The following XPA variants were observed in gnomAD, a reference collection of about 807,000 sequenced individuals.
XPA encodes XPA, DNA damage recognition and repair factor, also known as DNA repair protein complementing XP-A cells.
In XPA, 27 loss-of-function variants were observed where a neutral mutation model predicts 35.7. The ratio of observed to expected loss-of-function variants is 0.76; its 90% CI spans 0.56 to 1.04. The LOEUF (loss-of-function observed/expected upper bound fraction) is 1.04, where lower values mean the gene tolerates loss of function less well. Ranked by LOEUF, XPA falls within the 50% of genes least tolerant of loss-of-function variation. XPA has a pLI of 0.00. For synonymous variants in XPA, 133 were observed against 118.4 expected, an observed-to-expected ratio of 1.12 and a Z score of -0.80; for missense variants, 354 against 342.7, an observed-to-expected ratio of 1.03 and a Z score of -0.26.
the XPA span, chr9:97,662,055 T>G: frequency 1.2e-6 from 2 of 1,612,980 alleles, no homozygotes; most frequent in African/African-American, 2.7e-5. Flanking sequence ...AAGGATTCAG[T>G]TTTAACCCAT....
the XPA span, chr9:97,669,662 T>C: frequency 1.5e-5 from 24 of 1,612,266 alleles, no homozygotes; most frequent in Non-Finnish European, 2.0e-5. Context: ...ATTAACACCA[T>C]GGTATAAGAA....
intron 3 of XPA, among the ~76,000 whole-genome samples, 183 bp from the exon 4 acceptor site, chr9:97,687,444 T>C (rs950212044): frequency 6.6e-6 from 1 of 152,224 alleles, no homozygotes. Flanking sequence ...CTTTTACTTA[T>C]TCTGGTAAGT....
intron 2 of XPA, among the ~76,000 whole-genome samples, chr9:97,693,081 A>G (rs1587751791): frequency 6.7e-6 from 1 of 149,566 alleles, no homozygotes; most frequent in Admixed American, 6.7e-5. Context: ...AAAAGCTGTT[A>G]TATTGCACTG....
intron 5 of XPA, chr9:97,682,373 A>G (rs1435221687): frequency 1.9e-6 from 1 of 518,596 alleles, no homozygotes; most frequent in African/African-American, 1.9e-5. Context: ...TCTAATCTCT[A>G]CAGTGTCTAC....
At chr9:97,663,609 C>T in the XPA span, among the ~76,000 whole-genome samples, 3 of 151,896 alleles carry the variant, frequency 2.0e-5, no homozygotes, top group South Asian at 2.1e-4. Flanking sequence ...CTCAGCCTCC[C>T]GAGTAGCTGG....
intron 4 of XPA, among the ~76,000 whole-genome samples, chr9:97,686,566 T>C (rs1564044708): frequency 1.3e-5 from 2 of 152,190 alleles, no homozygotes; most frequent in Non-Finnish European, 2.9e-5. Context: ...TCCAACCTTT[T>C]TTAGTTTCCA....
Position 97,682,095 on chromosome 9 carries a change from C to A in XPA, c.673+2828G>T, listed in dbSNP as rs1361063313. The stretch of plus-strand genomic sequence containing the variant: ...CTATCTATCTATCTATCTATACACA[C>A]CTTATACTATTTAAACTGTAAAATT... On this transcript the variant is annotated intron_variant, in intron 5 of 5. Coordinates refer to ENST00000375128, the MANE Select transcript of XPA (RefSeq NM_000380.4). 6 of 366,364 alleles carry A rather than the reference C, an allele frequency of 1.6e-5. No individual in the cohort carries two copies. The East Asian group carries it at 4.3e-4, about 26-fold the overall frequency. 22.7% of individuals were successfully genotyped at this position (366,364 alleles called of 1,614,324 possible). A position where few individuals can be genotyped will look rare whatever the true frequency, so the allele number is the denominator to read the frequency against.
At chr9:97,685,084 T>G in intron 4 of XPA, 44 bp from the exon 5 acceptor site, 1 of 1,533,850 alleles carries the variant, frequency 6.5e-7, no homozygotes, top group South Asian at 1.1e-5. Flanking sequence ...GATTCAGACT[T>G]GCGAAATATT....
Position 97,675,598 on chromosome 9 carries a change from A to C in XPA, c.674-11T>G, listed in dbSNP as rs528443906. On this transcript the variant is annotated splice_polypyrimidine_tract_variant and intron_variant, in intron 5 of 5. Coordinates refer to ENST00000375128, the MANE Select transcript of XPA (RefSeq NM_000380.4). The stretch of plus-strand genomic sequence containing the variant: ...CTGCTCGCCGCAATTCTGAAAAAAA[A>C]ATTTTAAAGTCATCTTTTCAGTGGT... 8 of 1,613,916 alleles carry C rather than the reference A, an allele frequency of 5.0e-6. No individual in the cohort carries two copies. Among genetic ancestry groups the C allele is most frequent in the East Asian group, 2.2e-5 (1 of 44,858 alleles).
At chr9:97,654,733 AAAAAC>A in the XPA span, 3 of 745,658 alleles carry the variant, frequency 4.0e-6, no homozygotes, top group African/African-American at 1.8e-5. Flanking sequence ...AGCTGTAAGA[AAAAAC>A]AAAAACAAGA....
downstream of XPA, among the ~76,000 whole-genome samples, chr9:97,673,916 T>G (rs1423654062): frequency 6.6e-6 from 1 of 152,182 alleles, no homozygotes; most frequent in Non-Finnish European, 1.5e-5. Context: ...ACTAGACAAA[T>G]CTATTTTCTG....
At chr9:97,676,822 C>T (rs1401295573) in intron 5 of XPA, among the ~76,000 whole-genome samples, 1 of 152,134 alleles carries the variant, frequency 6.6e-6, no homozygotes, top group Non-Finnish European at 1.5e-5. Context: ...AGTGCATATA[C>T]CTCTAGATAG....
chr9:97,655,775 G>C, the XPA span: 5 of 1,605,112 alleles, frequency 3.1e-6, no homozygotes, highest in African/African-American at 6.7e-5. Flanking sequence ...GTAAGTGATG[G>C]TTTGTTTTAT....
At chr9:97,687,744 G>C (rs1051121977) in intron 3 of XPA, among the ~76,000 whole-genome samples, 1 of 152,208 alleles carries the variant, frequency 6.6e-6, no homozygotes, top group African/African-American at 2.4e-5. Flanking sequence ...AGACCAGTTA[G>C]AACACTACTG....
chr9:97,683,998 T>C (rs1409648450), intron 5 of XPA, among the ~76,000 whole-genome samples: 1 of 152,188 alleles, frequency 6.6e-6, no homozygotes, highest in Admixed American at 6.5e-5. Context: ...CACTGTACAC[T>C]ACAATGGGAC....
chr9:97,661,091 T>C, the XPA span: 2 of 1,609,958 alleles, frequency 1.2e-6, no homozygotes, highest in Non-Finnish European at 1.7e-6. Context: ...CAGTATTTCT[T>C]AAGTGGAACT....
chr9:97,666,703 G>T, the XPA span: 3 of 1,170,632 alleles, frequency 2.6e-6, no homozygotes, highest in East Asian at 2.5e-5. Context: ...AAAGTTGAAA[G>T]ATTTTATTTT....
intron 2 of XPA, among the ~76,000 whole-genome samples, chr9:97,690,955 T>C (rs940167670): frequency 2.6e-5 from 4 of 152,238 alleles, no homozygotes; most frequent in African/African-American, 9.6e-5. Context: ...AAGGATAATA[T>C]ATTCACAGGT....
chr9:97,659,983 C>T, the XPA span, among the ~76,000 whole-genome samples: 43 of 152,186 alleles, frequency 2.8e-4, no homozygotes, highest in Non-Finnish European at 2.8e-4. Flanking sequence ...TTTCTAGCTC[C>T]ACTTCCTTTT....
Sources: gnomAD v4.1 joint callset for allele counts (sites outside exome capture counted in the v4.1 genomes callset) on GRCh38, gnomAD v4.1.1 for gene constraint, MANE v1.5 for transcripts, NCBI Gene and HGNC (gene_info 2026-07-23, HGNC 2026-07-21) for gene names.